The following CADPS variants were observed in gnomAD, a reference collection of about 807,000 sequenced individuals.
CADPS encodes calcium-dependent secretion activator 1.
CADPS carries 57 observed loss-of-function variants against 167.3 expected under a neutral mutation model. The observed-to-expected ratio is 0.34, with a 90% CI of 0.28 to 0.42. The LOEUF (loss-of-function observed/expected upper bound fraction) is 0.42. CADPS is among the 20% of genes least tolerant of loss of function. The pLI is 1.00. For missense variants in CADPS, 1,414 were observed against 1,738.1 expected (o/e 0.81, Z 3.32); for synonymous variants, 676 against 635.3 (o/e 1.06, Z -0.96).
chr3:62,583,817 G>C (rs1425912941), intron 8 of CADPS, among the ~76,000 whole-genome samples: 5 of 151,942 alleles, frequency 3.3e-5, no homozygotes, highest in Non-Finnish European at 7.4e-5. Context: ...CCATGGCTAG[G>C]CTCCTGTTCT....
chr3:62,872,826 C>G (rs1210993501), intron 1 of CADPS, among the ~76,000 whole-genome samples: 5 of 152,122 alleles, frequency 3.3e-5, no homozygotes, highest in African/African-American at 9.7e-5. Context: ...CCCCTTTCGA[C>G]CTAACACTTA....
At position 62,399,364 on chromosome 3, in the gene CADPS, G is replaced by C. The variant is rs774929851; in HGVS notation, c.*42C>G. 1 of 1,592,684 alleles carries C rather than the reference G, an allele frequency of 6.3e-7. No individual in the cohort carries two copies. On this transcript the variant is annotated 3_prime_UTR_variant, in exon 30 of 30. Transcript: ENST00000383710. This position sits in a 1 kb window ranked among gnomAD's most constrained non-coding sequence, Gnocchi z 5.6. ...AACTAACAGACTAAGGACATGCACT[G>C]ATTACAGGACTCTGTCCCAGCAGAC... is the stretch of plus-strand genomic sequence containing the variant.
At chr3:62,777,257 C>T (rs73106339) in intron 1 of CADPS, among the ~76,000 whole-genome samples, 1 of 152,036 alleles carries the variant, frequency 6.6e-6, no homozygotes, top group Non-Finnish European at 1.5e-5. Context: ...TTATATGTGA[C>T]GCTAATGTAA....
intron 7 of CADPS, among the ~76,000 whole-genome samples, chr3:62,586,685 A>G (rs553858340): frequency 6.6e-6 from 1 of 152,276 alleles, no homozygotes; most frequent in South Asian, 2.1e-4. Context: ...AAATACAGAA[A>G]AGCCTGATTT....
At chr3:62,511,911 A>G (rs1421647521) in intron 17 of CADPS, among the ~76,000 whole-genome samples, 1 of 152,186 alleles carries the variant, frequency 6.6e-6, no homozygotes, top group Non-Finnish European at 1.5e-5. Context: ...TGAATGAGTG[A>G]ATAAATGACT....
At chr3:62,525,677 TTA>T (rs1258557110) in intron 13 of CADPS, among the ~76,000 whole-genome samples, 1 of 79,458 alleles carries the variant, frequency 1.3e-5, no homozygotes, top group Admixed American at 1.2e-4. Flanking sequence ...TGTAATGTCA[TTA>T]TGTGTGTGTG....
chr3:62,662,918 G>C (rs2073616310), intron 3 of CADPS, among the ~76,000 whole-genome samples: 1 of 152,146 alleles, frequency 6.6e-6, no homozygotes, highest in Non-Finnish European at 1.5e-5. Context: ...CTTCCAATCA[G>C]CTGGTGTTGA....
intron 1 of CADPS, among the ~76,000 whole-genome samples, chr3:62,804,919 G>T (rs559123579): frequency 1.3e-5 from 2 of 152,072 alleles, no homozygotes; most frequent in African/African-American, 4.8e-5. Context: ...AGTGAACAAA[G>T]TATAAATAAT....
intron 1 of CADPS, among the ~76,000 whole-genome samples, chr3:62,780,280 T>C (rs914349048): frequency 2.6e-5 from 4 of 152,146 alleles, no homozygotes; most frequent in Non-Finnish European, 5.9e-5. Context: ...TAGCCAGGCA[T>C]AGTGGTGCAT....
chr3:62,490,302 T>C (rs971614296), intron 21 of CADPS, among the ~76,000 whole-genome samples: 16 of 150,960 alleles, frequency 1.1e-4, no homozygotes, highest in African/African-American at 3.9e-4. Context: ...ATGATTTCCT[T>C]AAAAAAAGAA....
At position 62,753,696 on chromosome 3, in the gene CADPS, G is replaced by A. The variant is rs1392124735; in HGVS notation, c.633C>T (p.Phe211=). 1.9e-6 allele frequency: 3 copies of A among 1,614,134 alleles called. No homozygotes were observed. In the South Asian group the frequency reaches 3.3e-5, roughly 18 times the overall value. The change falls in exon 3 of 30, where the codon TTC becomes TTT. Residue 211 remains phenylalanine, a synonymous_variant. Coordinates refer to ENST00000383710, the MANE Select transcript of CADPS (RefSeq NM_003716.4). This position sits in a 1 kb window ranked among gnomAD's most constrained non-coding sequence, Gnocchi z 4.6. ...GCACTCTCTTCTCAATGTGCTTCTT[G>A]AAGACCTCCCGGGAGTCGTTGGCGG... ...GCSANDSREV[F]KKHIEKRVRS...
At chr3:62,759,132 C>A (rs898884003) in intron 2 of CADPS, among the ~76,000 whole-genome samples, 2 of 152,122 alleles carry the variant, frequency 1.3e-5, no homozygotes, top group Non-Finnish European at 2.9e-5. Flanking sequence ...TATTAGAACA[C>A]CTGGGTTCAA....
intron 17 of CADPS, chr3:62,499,850 T>TAATAATAATCTTAA (rs1026123537): frequency 3.3e-5 from 5 of 152,494 alleles, no homozygotes; most frequent in African/African-American, 1.2e-4. Flanking sequence ...AAAAGGGTGT[T>TAATAATAATCTTAA]AGGAGTAGAT....
chr3:62,403,180 C>A lies in CADPS; in HGVS notation c.3783G>T (p.Trp1261Cys). The A allele has an allele frequency of 6.2e-7, 1 of 1,611,496 alleles. No individual in the cohort carries two copies. The highest frequency in any genetic ancestry group is 8.5e-7 in the Non-Finnish European group (1 of 1,178,034). ...AGATCACGTTCATGGAGCTGTTGTA[C>A]CATTGCTGAAAAAAGAGACAAAAGT... ...EMYIERLFDQ[W>C]YNSSMNVICT... is the part of the protein sequence containing the mutation. Residue 1261 changes from tryptophan to cysteine, a missense_variant, in exon 29 of 30, where the codon TGG becomes TGT. By Grantham distance (215) the Trp-to-Cys change is radical. Around this residue, in one of 6 missense-constraint regions of CADPS, gnomAD observed 185 missense variants for 251.5 expected, o/e 0.74. Coordinates refer to ENST00000383710, the MANE Select transcript of CADPS (RefSeq NM_003716.4).
At chr3:62,706,332 T>A (rs2151678270) in intron 3 of CADPS, among the ~76,000 whole-genome samples, 1 of 152,282 alleles carries the variant, frequency 6.6e-6, no homozygotes, top group Middle Eastern at 3.4e-3. Context: ...TGTATTGCCT[T>A]TGTCCCTATT....
At chr3:62,632,226 C>T (rs1170591398) in intron 6 of CADPS, among the ~76,000 whole-genome samples, 1 of 152,026 alleles carries the variant, frequency 6.6e-6, no homozygotes, top group Non-Finnish European at 1.5e-5. Flanking sequence ...GAAAACAACG[C>T]CAAAACATAT....
intron 11 of CADPS, among the ~76,000 whole-genome samples, chr3:62,543,419 C>T (rs184022723): frequency 1.3e-5 from 2 of 152,230 alleles, no homozygotes; most frequent in African/African-American, 4.8e-5. Flanking sequence ...AGAATTCATT[C>T]AGTTAACTAT....
intron 28 of CADPS, among the ~76,000 whole-genome samples, chr3:62,407,424 A>T (rs1250478293): frequency 6.6e-6 from 1 of 152,166 alleles, no homozygotes; most frequent in Non-Finnish European, 1.5e-5. Context: ...ATTGACCTAG[A>T]TTTACGTCTT....
intron 26 of CADPS, among the ~76,000 whole-genome samples, chr3:62,460,206 A>C (rs1234202518): frequency 2.0e-5 from 3 of 152,230 alleles, no homozygotes; most frequent in Non-Finnish European, 4.4e-5. Context: ...TGAGGATCAA[A>C]TGAGAAAATG....
Sources: allele counts gnomAD v4.1 joint callset (sites outside exome capture counted in the v4.1 genomes callset), GRCh38; gene constraint gnomAD v4.1.1; regional missense constraint gnomAD v4.1.1; non-coding constraint Gnocchi (gnomAD v3.1); transcripts MANE v1.5; gene names NCBI Gene and HGNC (gene_info 2026-07-23, HGNC 2026-07-21).